The following C1orf21 variants were observed in gnomAD, a reference collection of about 807,000 sequenced individuals.
The protein encoded by C1orf21 is uncharacterized protein C1orf21.
A neutral mutation model predicts 18.7 loss-of-function variants in C1orf21; 3 were observed. The ratio of observed to expected loss-of-function variants is 0.16; its 90% CI spans 0.07 to 0.42. The LOEUF (loss-of-function observed/expected upper bound fraction) is 0.42, where lower values mean the gene tolerates loss of function less well. C1orf21 is among the 10% of genes least tolerant of loss of function. C1orf21 has a pLI of 0.99. For synonymous variants in C1orf21, 41 were observed against 46.4 expected, an observed-to-expected ratio of 0.88 and a Z score of 0.47; for missense variants, 104 against 143.6, an observed-to-expected ratio of 0.72 and a Z score of 1.41.
chr1:184,571,449 G>A (rs1017725163), intron 3 of C1orf21, among the ~76,000 whole-genome samples: 2 of 152,120 alleles, frequency 1.3e-5, no homozygotes, highest in Admixed American at 1.3e-4. Flanking sequence ...TAGTATCAAT[G>A]CCGGCTATAT....
intron 4 of C1orf21, among the ~76,000 whole-genome samples, chr1:184,597,467 C>G (rs1168299025): frequency 6.6e-6 from 1 of 152,126 alleles, no homozygotes; most frequent in Non-Finnish European, 1.5e-5. Flanking sequence ...TTTCACCACA[C>G]TTGGATATGA....
intron 2 of C1orf21, among the ~76,000 whole-genome samples, chr1:184,495,917 CAAA>C (rs764285547): frequency 1.2e-4 from 6 of 50,890 alleles, no homozygotes; most frequent in Admixed American, 3.9e-4. Flanking sequence ...GACTCTGTCT[CAAA>C]AAAAAAAAAA....
intron 3 of C1orf21, among the ~76,000 whole-genome samples, chr1:184,555,234 T>C (rs893739905): frequency 6.6e-6 from 1 of 152,338 alleles, no homozygotes; most frequent in Admixed American, 6.5e-5. Flanking sequence ...TCTTATCAGC[T>C]GCGTGGAACC....
At chr1:184,540,710 C>T (rs1439698410) in intron 3 of C1orf21, among the ~76,000 whole-genome samples, 3 of 152,136 alleles carry the variant, frequency 2.0e-5, no homozygotes, top group African/African-American at 7.2e-5. Context: ...GGATTACAGG[C>T]GTGAGCCACC....
chr1:184,479,613 CT>C (rs55840285), intron 2 of C1orf21, among the ~76,000 whole-genome samples: 433 of 62,190 alleles, frequency 7.0e-3, no homozygotes, highest in Non-Finnish European at 9.4e-3. Context: ...TCCCATAGGT[CT>C]TTTTTTTTTT....
At chr1:184,405,282 A>G (rs1316273747) in intron 1 of C1orf21, among the ~76,000 whole-genome samples, 4 of 151,636 alleles carry the variant, frequency 2.6e-5, no homozygotes, top group Admixed American at 1.3e-4. Context: ...TGCAGCCTCA[A>G]TCTCCCTGGC....
At chr1:184,487,760 A>C (rs1347037274) in intron 2 of C1orf21, among the ~76,000 whole-genome samples, 1 of 152,198 alleles carries the variant, frequency 6.6e-6, no homozygotes, top group Non-Finnish European at 1.5e-5. Context: ...TCGGCTACTC[A>C]CTAACATGTA....
At chr1:184,512,647 A>G (rs1658167616) in intron 3 of C1orf21, among the ~76,000 whole-genome samples, 2 of 152,198 alleles carry the variant, frequency 1.3e-5, no homozygotes, top group Admixed American at 6.5e-5. Context: ...GAGTATACAT[A>G]GGTAAGTATC....
At chr1:184,577,302 A>AG (rs1312926186) in intron 3 of C1orf21, among the ~76,000 whole-genome samples, 1 of 151,832 alleles carries the variant, frequency 6.6e-6, no homozygotes, top group Non-Finnish European at 1.5e-5. Flanking sequence ...CTGGCGTTGA[A>AG]GATGGAGAAA....
chr1:184,429,128 C>T (rs1008388524), intron 1 of C1orf21, among the ~76,000 whole-genome samples: 4 of 152,172 alleles, frequency 2.6e-5, no homozygotes, highest in Non-Finnish European at 5.9e-5. Flanking sequence ...ACTTTGATTA[C>T]TCAGATGAAT....
At chr1:184,483,310 C>T (rs1427917095) in intron 2 of C1orf21, among the ~76,000 whole-genome samples, 1 of 152,202 alleles carries the variant, frequency 6.6e-6, no homozygotes, top group African/African-American at 2.4e-5. Context: ...TAAGCAAGTT[C>T]TAGAAGGCCA....
intron 5 of C1orf21, among the ~76,000 whole-genome samples, chr1:184,612,097 ATAGTT>A (rs1401352047): frequency 3.9e-5 from 6 of 152,210 alleles, no homozygotes; most frequent in Admixed American, 1.3e-4. Flanking sequence ...TATTAGAAAT[ATAGTT>A]TAGTGATAAT....
intron 1 of C1orf21, among the ~76,000 whole-genome samples, chr1:184,413,225 A>G (rs567311506): frequency 6.6e-6 from 1 of 152,338 alleles, no homozygotes; most frequent in East Asian, 1.9e-4. Context: ...GACTTCATGG[A>G]TGCTGAGATG....
At chr1:184,565,314 A>C (rs1659020529) in intron 3 of C1orf21, among the ~76,000 whole-genome samples, 1 of 152,304 alleles carries the variant, frequency 6.6e-6, no homozygotes, top group East Asian at 1.9e-4. Context: ...ACTTAATCTC[A>C]TTTGATATAA....
rs549686895 is a variant in C1orf21 at position 184,399,117 on chromosome 1, T to C, written c.-125+11749T>C. 1.4e-4 allele frequency among the ~76,000 whole-genome samples: 22 copies of C among 152,306 alleles called. No individual in the cohort carries two copies. The South Asian group carries it at 3.3e-3, about 23-fold the overall frequency. ...ACACCTGAGAGATGCATTTGTCTTA[T>C]TTACAGGCTTTCTTTCCCTATTTTT... On this transcript the variant is annotated intron_variant, in intron 1 of 5. Coordinates refer to ENST00000235307, the MANE Select transcript of C1orf21 (RefSeq NM_030806.4).
At chr1:184,528,739 A>G (rs1011326087) in intron 3 of C1orf21, among the ~76,000 whole-genome samples, 5 of 152,088 alleles carry the variant, frequency 3.3e-5, no homozygotes, top group South Asian at 2.1e-4. Flanking sequence ...ATTTTCCTTT[A>G]TAGTCATTGT....
chr1:184,517,881 C>A (rs1034672456), intron 3 of C1orf21, among the ~76,000 whole-genome samples: 1 of 152,210 alleles, frequency 6.6e-6, no homozygotes, highest in African/African-American at 2.4e-5. Flanking sequence ...CTTATTCTCT[C>A]ATGCCTTATG....
intron 3 of C1orf21, among the ~76,000 whole-genome samples, chr1:184,510,617 A>G (rs575797066): frequency 6.6e-6 from 1 of 152,334 alleles, no homozygotes; most frequent in African/African-American, 2.4e-5. Flanking sequence ...TAAAAAGCAC[A>G]TAGTCCTTTT....
intron 1 of C1orf21, among the ~76,000 whole-genome samples, chr1:184,449,549 CTTTGGGTA>C: frequency 6.6e-6 from 1 of 152,030 alleles, no homozygotes; most frequent in South Asian, 2.1e-4. Flanking sequence ...ATTTATAATC[CTTTGGGTA>C]TATACCCAGT....
Sources: allele counts gnomAD v4.1 joint callset (sites outside exome capture counted in the v4.1 genomes callset), GRCh38; gene constraint gnomAD v4.1.1; transcripts MANE v1.5; gene names NCBI Gene and HGNC (gene_info 2026-07-23, HGNC 2026-07-21).